GPC5: variants seen among roughly 807,000 people sequenced by gnomAD.
GPC5 encodes glypican-5.
Under a neutral mutation model 53.9 loss-of-function variants are expected in GPC5, and 47 were observed. The observed-to-expected ratio is 0.87, with a 90% CI of 0.69 to 1.11. GPC5 has a LOEUF of 1.11. Among genes scored for constraint, GPC5 ranks in the 50% most tolerant of loss-of-function variants. The pLI is 0.00. For synonymous variants in GPC5, 286 were observed against 263.3 expected (o/e 1.09, Z -0.84); for missense variants, 748 against 713.1 (o/e 1.05, Z -0.56).
At chr13:92,418,474 C>T (rs149218154) in intron 7 of GPC5, among the ~76,000 whole-genome samples, 3 of 152,060 alleles carry the variant, frequency 2.0e-5, no homozygotes, top group African/African-American at 4.8e-5. Context: ...CCATGGAGAA[C>T]GGAGGGCTTG....
Position 92,723,157 on chromosome 13 carries a change from C to T in GPC5, c.1562-143125C>T, listed in dbSNP as rs535946335. Among the ~76,000 whole-genome samples, 2 of 151,468 alleles carry T rather than the reference C, an allele frequency of 1.3e-5. 1 individual carries two copies. Among genetic ancestry groups the T allele is most frequent in the Non-Finnish European group, 3.0e-5 (2 of 67,710 alleles). On this transcript the variant is annotated intron_variant, in intron 7 of 7. Transcript: ENST00000377067. Reference sequence around the variant, plus strand: ...TACCTTGAGAGATGACAGGAGAATTCGATATAGCTATATGAAACATCCAAT... The same window carrying T: ...TACCTTGAGAGATGACAGGAGAATTTGATATAGCTATATGAAACATCCAAT...
At chr13:91,683,959 A>G (rs2035565317) in intron 2 of GPC5, among the ~76,000 whole-genome samples, 1 of 152,188 alleles carries the variant, frequency 6.6e-6, no homozygotes, top group South Asian at 2.1e-4. Context: ...ATTCTGCTGA[A>G]GCAGCTGTTA....
chr13:91,477,015 A>T (rs1428483702), intron 2 of GPC5, among the ~76,000 whole-genome samples: 1 of 152,166 alleles, frequency 6.6e-6, no homozygotes, highest in Admixed American at 6.6e-5. Flanking sequence ...TGTTATTTAA[A>T]TTTTGCAACA....
chr13:92,680,661 A>G (rs1044114804), intron 7 of GPC5, among the ~76,000 whole-genome samples: 1 of 152,204 alleles, frequency 6.6e-6, no homozygotes, highest in African/African-American at 2.4e-5. Context: ...ATGAATACAT[A>G]TTTGTTGAGG....
intron 5 of GPC5, among the ~76,000 whole-genome samples, chr13:91,836,176 T>G (rs777728545): frequency 6.6e-6 from 1 of 152,082 alleles, no homozygotes; most frequent in African/African-American, 2.4e-5. Context: ...AATGTTGTAA[T>G]TAAAAACTAT....
intron 6 of GPC5, among the ~76,000 whole-genome samples, chr13:91,968,394 T>C (rs1248367872): frequency 6.6e-6 from 1 of 152,202 alleles, no homozygotes; most frequent in Non-Finnish European, 1.5e-5. Flanking sequence ...AAATTGCAAC[T>C]CAACTGTGTT....
chr13:91,996,314 ATCT>A (rs2040503607), intron 6 of GPC5: 1 of 152,264 alleles, frequency 6.6e-6, no homozygotes, highest in East Asian at 1.9e-4. Flanking sequence ...GGTTGCAAAC[ATCT>A]TCTCTCTAGC....
chr13:92,640,780 T>C (rs1482783823), intron 7 of GPC5, among the ~76,000 whole-genome samples: 1 of 152,078 alleles, frequency 6.6e-6, no homozygotes, highest in African/African-American at 2.4e-5. Flanking sequence ...ACAATTTGAG[T>C]ATCAAAATCA....
chr13:92,557,481 A>T (rs895981803), intron 7 of GPC5, among the ~76,000 whole-genome samples: 97 of 151,938 alleles, frequency 6.4e-4, no homozygotes, highest in African/African-American at 2.1e-3. Context: ...TAAAACATAA[A>T]CACCTTGTGT....
intron 7 of GPC5, among the ~76,000 whole-genome samples, chr13:92,729,825 A>C (rs1426022723): frequency 7.8e-6 from 1 of 128,230 alleles, no homozygotes; most frequent in Non-Finnish European, 1.7e-5. Flanking sequence ...AGTGTGTGGC[A>C]CCTTGTTTTC....
chr13:92,449,623 G>GAATAATTT (rs1444161674), intron 7 of GPC5, among the ~76,000 whole-genome samples: 1 of 152,088 alleles, frequency 6.6e-6, no homozygotes, highest in African/African-American at 2.4e-5. Context: ...CAGTGGAATG[G>GAATAATTT]AATAATTTGA....
intron 7 of GPC5, among the ~76,000 whole-genome samples, chr13:92,358,456 C>G (rs2043540203): frequency 6.6e-6 from 1 of 151,764 alleles, no homozygotes; most frequent in Non-Finnish European, 1.5e-5. Context: ...TCTCACAGCT[C>G]TAGTAGGCCG....
At chr13:91,488,294 A>G (rs1378339773) in intron 2 of GPC5, among the ~76,000 whole-genome samples, 1 of 152,178 alleles carries the variant, frequency 6.6e-6, no homozygotes, top group Non-Finnish European at 1.5e-5. Context: ...TTTTCAATTT[A>G]TAAACTAACC....
chr13:92,535,179 A>G (rs1195917096), intron 7 of GPC5, among the ~76,000 whole-genome samples: 3 of 152,128 alleles, frequency 2.0e-5, no homozygotes, highest in African/African-American at 7.2e-5. Context: ...ATGAAGACCT[A>G]TGGTGCTGTG....
chr13:91,820,240 T>C lies in GPC5; in HGVS notation c.1280+63820T>C, dbSNP rs144632495. 9.2e-3 allele frequency among the ~76,000 whole-genome samples: 1,397 copies of C among 152,292 alleles called. 9 individuals are homozygous for C. The highest frequency in any genetic ancestry group is 0.023 in the South Asian group (113 of 4,822). ...GCACTAATTGTCAATATTTATATAA[T>C]GGAATTTATTAATCATTTACTTTAT... On this transcript the variant is annotated intron_variant, in intron 5 of 7. Coordinates refer to ENST00000377067, the MANE Select transcript of GPC5 (RefSeq NM_004466.6).
intron 5 of GPC5, among the ~76,000 whole-genome samples, chr13:91,783,115 G>A (rs951318371): frequency 9.9e-5 from 15 of 152,182 alleles, no homozygotes; most frequent in African/African-American, 3.4e-4. Flanking sequence ...TTAGCCAAAT[G>A]TAGTGGTGGA....
chr13:92,196,750 G>C (rs2042259267), intron 7 of GPC5, among the ~76,000 whole-genome samples: 1 of 152,110 alleles, frequency 6.6e-6, no homozygotes, highest in South Asian at 2.1e-4. Flanking sequence ...CATGTCAGAC[G>C]CAGGGTAACT....
At position 91,734,411 on chromosome 13, in the gene GPC5, GACTGAAT is replaced by G. The variant is rs568111352; in HGVS notation, c.1154+5747_1154+5753del. On this transcript the variant is annotated intron_variant, in intron 4 of 7. Transcript: ENST00000377067. ...GAAATAACTACAGGGTGGGTCTGTG[GACTGAAT>G]GTCCCAATGTGAGACAGATTGAGCC... is the stretch of plus-strand genomic sequence containing the variant. Among the ~76,000 whole-genome samples the G allele has an allele frequency of 2.8e-3, 421 of 151,428 alleles. 26 individuals are homozygous for G. Among genetic ancestry groups the G allele is most frequent in the African/African-American group, 1.0e-2 (407 of 40,744 alleles).
At chr13:92,711,261 G>T (rs1314376167) in intron 7 of GPC5, among the ~76,000 whole-genome samples, 2 of 152,056 alleles carry the variant, frequency 1.3e-5, no homozygotes, top group East Asian at 3.9e-4. Flanking sequence ...AAAAATTTAG[G>T]TTAATATGGT....
Sources: gnomAD v4.1 joint callset for allele counts (sites outside exome capture counted in the v4.1 genomes callset) on GRCh38, gnomAD v4.1.1 for gene constraint, MANE v1.5 for transcripts, NCBI Gene and HGNC (gene_info 2026-07-23, HGNC 2026-07-21) for gene names.